ZDHHC20: variants seen among roughly 807,000 people sequenced by gnomAD.
The protein encoded by ZDHHC20 is zDHHC palmitoyltransferase 20, also known as palmitoyltransferase ZDHHC20.
ZDHHC20 carries 43 observed loss-of-function variants against 57.8 expected under a neutral mutation model. That is an observed-to-expected ratio of 0.74 (90% CI 0.58 to 0.96). ZDHHC20 has a LOEUF of 0.96. Among genes scored for constraint, ZDHHC20 ranks in the 40% least tolerant of loss-of-function variants. The pLI is 0.00. For missense variants in ZDHHC20, 391 were observed against 441.1 expected (o/e 0.89, Z 1.02); for synonymous variants, 157 against 153.0 (o/e 1.03, Z -0.19).
At chr13:21,393,278 G>A (rs1199928907) in intron 7 of ZDHHC20, among the ~76,000 whole-genome samples, 1 of 151,548 alleles carries the variant, frequency 6.6e-6, no homozygotes, top group African/African-American at 2.4e-5. Flanking sequence ...GGAGACAGGC[G>A]GATCACTTGA....
intron 1 of ZDHHC20, among the ~76,000 whole-genome samples, chr13:21,458,336 G>A (rs978490368): frequency 1.3e-5 from 2 of 152,100 alleles, no homozygotes; most frequent in Admixed American, 6.5e-5. Flanking sequence ...CAAAATATGA[G>A]TATAAGAAAT....
chr13:21,446,383 C>T (rs1421395931), intron 1 of ZDHHC20, among the ~76,000 whole-genome samples: 2 of 152,118 alleles, frequency 1.3e-5, no homozygotes, highest in East Asian at 3.9e-4. Context: ...TGAGGATATC[C>T]TTTTCATGCA....
intron 1 of ZDHHC20, among the ~76,000 whole-genome samples, chr13:21,431,883 C>T (rs908344802): frequency 1.3e-5 from 2 of 152,182 alleles, no homozygotes; most frequent in Admixed American, 6.5e-5. Context: ...AATATTTTCT[C>T]CTAGGCCATA....
chr13:21,412,246 G>GT (rs1271610909), intron 4 of ZDHHC20, among the ~76,000 whole-genome samples: 1 of 152,246 alleles, frequency 6.6e-6, no homozygotes, highest in Non-Finnish European at 1.5e-5. Context: ...GTGAATGCCA[G>GT]TATGTTAACA....
chr13:21,422,261 T>C (rs1880726889), intron 2 of ZDHHC20, among the ~76,000 whole-genome samples: 1 of 149,112 alleles, frequency 6.7e-6, no homozygotes, highest in Non-Finnish European at 1.5e-5. Context: ...TGGTCTGCGC[T>C]GAAAAAAAAA....
rs1041880908 is a variant in ZDHHC20 at position 21,376,125 on chromosome 13, TAAAA to T, written c.*567_*570del. 6.6e-6 allele frequency: 1 copy of T among 152,126 alleles called. No homozygotes were observed. The highest frequency in any genetic ancestry group is 1.5e-5 in the Non-Finnish European group (1 of 68,020). 9.4% of individuals were successfully genotyped at this position (152,126 alleles called of 1,614,324 possible). On this transcript the variant is annotated 3_prime_UTR_variant, in exon 13 of 13. Coordinates refer to ENST00000400590, the MANE Select transcript of ZDHHC20 (RefSeq NM_001330059.2). Reference sequence around the variant, plus strand: ...TGAATCCTTCTGTTATAGCCAACAATAAAAAAAGTTATTAAAAATGTTGAAAAGT... The same window carrying T: ...TGAATCCTTCTGTTATAGCCAACAATAAAGTTATTAAAAATGTTGAAAAGT...
At chr13:21,455,628 GAAGTGGTGT>G (rs1297756798) in intron 1 of ZDHHC20, among the ~76,000 whole-genome samples, 2 of 129,746 alleles carry the variant, frequency 1.5e-5, no homozygotes, top group East Asian at 4.2e-4. Flanking sequence ...TACTCCCAGT[GAAGTGGTGT>G]GTGTGTGTGT....
intron 2 of ZDHHC20, among the ~76,000 whole-genome samples, chr13:21,425,028 T>C (rs1275240937): frequency 1.3e-5 from 2 of 152,128 alleles, no homozygotes; most frequent in Admixed American, 6.5e-5. Flanking sequence ...TCCTCTGGAG[T>C]TTTGTATGCC....
At chr13:21,395,322 T>G (rs1876585711) in intron 7 of ZDHHC20, among the ~76,000 whole-genome samples, 1 of 151,898 alleles carries the variant, frequency 6.6e-6, no homozygotes, top group South Asian at 2.1e-4. Context: ...TGCCTCGGCC[T>G]CCCAAAGTGC....
chr13:21,404,488 C>T (rs1370869185), intron 4 of ZDHHC20: 2 of 402,520 alleles, frequency 5.0e-6, no homozygotes, highest in African/African-American at 4.2e-5. Flanking sequence ...GTGGCTCACA[C>T]CTGTAATCCC....
chr13:21,374,799 C>G lies in ZDHHC20; in HGVS notation c.*1897G>C, dbSNP rs1871783703. ...TATGCTGTACTAGGAAATGACAGAG[C>G]TATTCCTAGTTTATTATTTAGCATA... On this transcript the variant is annotated 3_prime_UTR_variant, in exon 13 of 13. Transcript: ENST00000400590. 3.7e-6 allele frequency: 1 copy of G among 270,116 alleles called. No individual in the cohort carries two copies. Among genetic ancestry groups the G allele is most frequent in the Non-Finnish European group, 7.3e-6 (1 of 137,700 alleles). The allele number at this position is 270,116 out of a possible 1,614,324, so 16.7% of individuals were successfully genotyped here.
In ZDHHC20 at chr13:21,459,225, G is replaced by A; in HGVS notation, c.-54C>T. Reference sequence around the variant, plus strand: ...TCCCACCGTTCTGGGGAGCGCGGGAGCCCCGGCGACGGTGACTCGGACGCT... The same window carrying A: ...TCCCACCGTTCTGGGGAGCGCGGGAACCCCGGCGACGGTGACTCGGACGCT... On this transcript the variant is annotated 5_prime_UTR_variant, in exon 1 of 13. Transcript: ENST00000400590. The A allele has an allele frequency of 1.4e-5, 20 of 1,438,650 alleles. No homozygotes were observed. The highest frequency in any genetic ancestry group is 1.9e-4 in the Middle Eastern group (1 of 5,180). 89.1% of individuals were successfully genotyped at this position (1,438,650 alleles called of 1,614,324 possible). A position where few individuals can be genotyped will look rare whatever the true frequency, so the allele number is the denominator to read the frequency against.
In ZDHHC20 at chr13:21,402,823, C is replaced by A; in HGVS notation, c.414G>T (p.Arg138=). The change falls in exon 5 of 13, where the codon CGG becomes CGT. Residue 138 remains arginine (R), a synonymous_variant. Coordinates refer to ENST00000400590, the MANE Select transcript of ZDHHC20 (RefSeq NM_001330059.2). ...CEKCQLIKPD[R]AHHCSACDSC... is the part of the protein sequence containing the mutation. ...AGTCACAGGCTGAGCAGTGATGCGC[C>A]CGATCAGGTTTAATCAGCTGACATT... The A allele has an allele frequency of 6.3e-7, 1 of 1,598,968 alleles. No homozygotes were observed. Among genetic ancestry groups the A allele is most frequent in the Non-Finnish European group, 8.5e-7 (1 of 1,172,484 alleles).
chr13:21,386,956 T>C (rs1379889682), intron 9 of ZDHHC20, among the ~76,000 whole-genome samples: 1 of 152,218 alleles, frequency 6.6e-6, no homozygotes, highest in East Asian at 1.9e-4. Flanking sequence ...AAAAAACCCA[T>C]AACTCTTACA....
chr13:21,410,693 T>C (rs1179753017), intron 4 of ZDHHC20, among the ~76,000 whole-genome samples: 1 of 152,194 alleles, frequency 6.6e-6, no homozygotes, highest in Non-Finnish European at 1.5e-5. Context: ...GCCTCAGTAA[T>C]GGCAGAAGCC....
chr13:21,436,475 A>G (rs1475556012), intron 1 of ZDHHC20, among the ~76,000 whole-genome samples: 1 of 152,206 alleles, frequency 6.6e-6, no homozygotes, highest in African/African-American at 2.4e-5. Flanking sequence ...TAATTCTCAC[A>G]GTATTTCAAC....
chr13:21,439,308 T>C (rs1296485246), intron 1 of ZDHHC20, among the ~76,000 whole-genome samples: 1 of 152,154 alleles, frequency 6.6e-6, no homozygotes, highest in Non-Finnish European at 1.5e-5. Flanking sequence ...GAGACCAGTT[T>C]GGGCAACATA....
intron 1 of ZDHHC20, among the ~76,000 whole-genome samples, chr13:21,438,831 C>T (rs1157657041): frequency 6.6e-6 from 1 of 152,194 alleles, no homozygotes; most frequent in Non-Finnish European, 1.5e-5. Flanking sequence ...GAAATTGCCA[C>T]AGCTACCCCA....
At chr13:21,412,991 A>AG (rs1879437254) in intron 4 of ZDHHC20, among the ~76,000 whole-genome samples, 1 of 136,478 alleles carries the variant, frequency 7.3e-6, no homozygotes, top group Non-Finnish European at 1.6e-5. Flanking sequence ...AAAAAAAAAA[A>AG]CAATTTCCCA....
Sources: gnomAD v4.1 joint callset for allele counts (sites outside exome capture counted in the v4.1 genomes callset) on GRCh38, gnomAD v4.1.1 for gene constraint, MANE v1.5 for transcripts, NCBI Gene and HGNC (gene_info 2026-07-23, HGNC 2026-07-21) for gene names.